SRGAP2: variants seen among roughly 807,000 people sequenced by gnomAD.
SRGAP2 encodes the protein SLIT-ROBO Rho GTPase-activating protein 2.
In SRGAP2, 15 loss-of-function variants were observed where a neutral mutation model predicts 57.2. The ratio of observed to expected loss-of-function variants is 0.26; its 90% CI spans 0.18 to 0.40. The LOEUF is 0.40. SRGAP2 is among the 10% of genes least tolerant of loss of function. The probability of loss-of-function intolerance (pLI) is 1.00; values close to 1 mark genes in which losing one functional copy is unlikely to be tolerated. For missense variants in SRGAP2, 520 were observed against 669.6 expected (o/e 0.78, Z 2.47); for synonymous variants, 249 against 248.0 (o/e 1.00, Z -0.04).
At chr1:206,291,716 T>C (rs1360160751) in intron 2 of SRGAP2, among the ~76,000 whole-genome samples, 1 of 149,642 alleles carries the variant, frequency 6.7e-6, no homozygotes, top group Non-Finnish European at 1.5e-5. Flanking sequence ...TACTAGTAAA[T>C]ATATAAGATG....
At chr1:206,370,403 G>A (rs1165780246) in intron 4 of SRGAP2, among the ~76,000 whole-genome samples, 18 of 152,176 alleles carry the variant, frequency 1.2e-4, no homozygotes, top group Non-Finnish European at 2.5e-4. Flanking sequence ...CCATACAATA[G>A]AGTAGTATTT....
chr1:206,307,832 C>G (rs1672346325), intron 3 of SRGAP2, among the ~76,000 whole-genome samples: 1 of 151,966 alleles, frequency 6.6e-6, no homozygotes, highest in Admixed American at 6.5e-5. Context: ...GCTCGTGCCT[C>G]TCCCTCCACA....
intron 2 of SRGAP2, among the ~76,000 whole-genome samples, chr1:206,252,262 CTCTG>C (rs1346877626): frequency 6.7e-6 from 1 of 149,538 alleles, no homozygotes; most frequent in Non-Finnish European, 1.5e-5. Context: ...TTTTCTTTCT[CTCTG>C]TCTCTCTCTC....
intron 16 of SRGAP2, among the ~76,000 whole-genome samples, chr1:206,438,351 G>A (rs1661964038): frequency 6.6e-6 from 1 of 151,654 alleles, no homozygotes; most frequent in Non-Finnish European, 1.5e-5. Flanking sequence ...TTCATCTCTG[G>A]GCTTTATCTT....
At chr1:206,249,652 T>A (rs1403155622) in intron 2 of SRGAP2, among the ~76,000 whole-genome samples, 4 of 150,790 alleles carry the variant, frequency 2.7e-5, no homozygotes, top group Admixed American at 2.0e-4. Flanking sequence ...AGATTATGGG[T>A]TGATGGGGGC....
chr1:206,373,025 C>CT (rs1485626212), intron 4 of SRGAP2, among the ~76,000 whole-genome samples: 43 of 100,960 alleles, frequency 4.3e-4, no homozygotes, highest in African/African-American at 1.5e-3. Flanking sequence ...TTCTTTCTTT[C>CT]TTTTCTTTCT....
chr1:206,418,189 C>G (rs1413357371), intron 11 of SRGAP2, among the ~76,000 whole-genome samples: 1 of 152,044 alleles, frequency 6.6e-6, no homozygotes, highest in African/African-American at 2.4e-5. Context: ...TGCAGGAGCC[C>G]CTTGTTCTTG....
intron 4 of SRGAP2, among the ~76,000 whole-genome samples, chr1:206,370,657 C>T (rs1450093687): frequency 2.1e-4 from 32 of 152,130 alleles, no homozygotes; most frequent in Admixed American, 1.5e-3. Flanking sequence ...ATTAAATATT[C>T]GGGACTTAGT....
chr1:206,355,335 G>C (rs1676351699), intron 4 of SRGAP2, among the ~76,000 whole-genome samples: 1 of 152,014 alleles, frequency 6.6e-6, no homozygotes, highest in Non-Finnish European at 1.5e-5. Context: ...TGGTTCTAAA[G>C]GTCCAAGTGG....
chr1:206,283,750 C>T (rs1670868382), intron 2 of SRGAP2, among the ~76,000 whole-genome samples: 1 of 145,666 alleles, frequency 6.9e-6, no homozygotes, highest in Non-Finnish European at 1.5e-5. Flanking sequence ...AAAATAATGT[C>T]ATTACTTTTA....
intron 4 of SRGAP2, among the ~76,000 whole-genome samples, chr1:206,377,467 T>G (rs1321428763): frequency 6.9e-6 from 1 of 145,848 alleles, no homozygotes; most frequent in Non-Finnish European, 1.5e-5. Flanking sequence ...AATAGCTGGA[T>G]TTTTTGAAAT....
chr1:206,457,565 G>A (rs1235825684), intron 21 of SRGAP2, among the ~76,000 whole-genome samples: 3 of 152,154 alleles, frequency 2.0e-5, no homozygotes, highest in Admixed American at 6.5e-5. Context: ...TTTTCCACTC[G>A]AGAGCGGCTG....
At chr1:206,372,925 TTC>T (rs1654693677) in intron 4 of SRGAP2, among the ~76,000 whole-genome samples, 1 of 7,190 alleles carries the variant, frequency 1.4e-4, no homozygotes, top group East Asian at 0.071. Context: ...CTTTCTTTCT[TTC>T]TTTCTTTCTT....
intron 2 of SRGAP2, among the ~76,000 whole-genome samples, chr1:206,260,697 T>C (rs1669496012): frequency 6.6e-6 from 1 of 152,242 alleles, no homozygotes; most frequent in Non-Finnish European, 1.5e-5. Flanking sequence ...AGTATTCCAT[T>C]GTATGGATGG....
intron 17 of SRGAP2, among the ~76,000 whole-genome samples, chr1:206,442,211 G>T (rs1441275065): frequency 6.6e-6 from 1 of 152,182 alleles, no homozygotes; most frequent in African/African-American, 2.4e-5. Context: ...GAGGGTCCTT[G>T]TTCCCCATCT....
At chr1:206,450,957 A>G (rs1271080553) in intron 19 of SRGAP2, among the ~76,000 whole-genome samples, 2 of 151,812 alleles carry the variant, frequency 1.3e-5, no homozygotes, top group Non-Finnish European at 2.9e-5. Flanking sequence ...TAAAAAAAAA[A>G]AAAAAATAGC....
chr1:206,456,546 C>T (rs1308166638), intron 21 of SRGAP2, among the ~76,000 whole-genome samples: 2 of 152,042 alleles, frequency 1.3e-5, no homozygotes, highest in Non-Finnish European at 2.9e-5. Flanking sequence ...ATTTTTAAGC[C>T]ATCATATATT....
At chr1:206,429,285 C>G (rs1027884746) in intron 13 of SRGAP2, among the ~76,000 whole-genome samples, 3 of 152,218 alleles carry the variant, frequency 2.0e-5, no homozygotes, top group African/African-American at 4.8e-5. Flanking sequence ...TTTTTCTTTT[C>G]TATCTTACCT....
intron 13 of SRGAP2, among the ~76,000 whole-genome samples, chr1:206,428,635 C>T (rs782468439): frequency 1.3e-3 from 195 of 152,072 alleles, no homozygotes; most frequent in Non-Finnish European, 1.5e-3. Context: ...GCTACTTAAC[C>T]TCACTAAGCC....
Sources: gnomAD v4.1 joint callset for allele counts (sites outside exome capture counted in the v4.1 genomes callset) on GRCh38, gnomAD v4.1.1 for gene constraint, MANE v1.5 for transcripts, NCBI Gene and HGNC (gene_info 2026-07-23, HGNC 2026-07-21) for gene names.